Variants in IPO5 observed in about 807,000 individuals in gnomAD.
The protein encoded by IPO5 is importin 5, also known as importin-5.
A neutral mutation model predicts 143.3 loss-of-function variants in IPO5; 18 were observed. That is an observed-to-expected ratio of 0.13 (90% CI 0.09 to 0.19). The LOEUF is 0.19. IPO5 is among the 10% of genes least tolerant of loss of function. The probability of loss-of-function intolerance (pLI) is 1.00; values close to 1 mark genes in which losing one functional copy is unlikely to be tolerated. For synonymous variants in IPO5, 477 were observed against 465.7 expected (o/e 1.02, Z -0.31); for missense variants, 1,013 against 1,336.9 (o/e 0.76, Z 3.78).
intron 24 of IPO5, among the ~76,000 whole-genome samples, chr13:98,016,003 A>G (rs141845706): frequency 4.6e-5 from 7 of 152,356 alleles, no homozygotes; most frequent in Admixed American, 2.0e-4. Flanking sequence ...ACCTCACTCA[A>G]CAAAACACCT....
chr13:97,974,695 A>G (rs1886116227), intron 3 of IPO5, among the ~76,000 whole-genome samples: 1 of 151,852 alleles, frequency 6.6e-6, no homozygotes, highest in Non-Finnish European at 1.5e-5. Flanking sequence ...AAAAAAAAAA[A>G]AAATCAAAAT....
rs1397010864 is a variant in IPO5 at position 97,969,898 on chromosome 13, C to A, written c.-5+68C>A. 4 of 1,236,608 alleles carry A rather than the reference C, an allele frequency of 3.2e-6. No individual in the cohort carries two copies. The Admixed American group carries it at 5.4e-5, about 17-fold the overall frequency. 76.6% of individuals were successfully genotyped at this position (1,236,608 alleles called of 1,614,324 possible). On this transcript the variant is annotated intron_variant, in intron 3 of 28. Transcript: ENST00000651721. ...TTTTTTAAAAGAGACAAGGTCTCGCCATGTTGCCCAGGCTGGTCTCGAACT... is the reference window on the plus strand; with the variant it reads ...TTTTTTAAAAGAGACAAGGTCTCGCAATGTTGCCCAGGCTGGTCTCGAACT...
At chr13:98,004,048 G>A (rs937849537) in intron 16 of IPO5, among the ~76,000 whole-genome samples, 17 of 152,152 alleles carry the variant, frequency 1.1e-4, no homozygotes, top group South Asian at 2.1e-4. Flanking sequence ...ATGTAGATGC[G>A]AAAAGCAAGG....
chr13:98,009,277 A>G (rs369647739), intron 18 of IPO5, among the ~76,000 whole-genome samples: 1 of 152,234 alleles, frequency 6.6e-6, no homozygotes, highest in African/African-American at 2.4e-5. Context: ...GATAAGAATC[A>G]CTTTCTAGGT....
At chr13:97,964,580 G>A (rs1885154641) in intron 2 of IPO5, among the ~76,000 whole-genome samples, 1 of 151,224 alleles carries the variant, frequency 6.6e-6, no homozygotes, top group Admixed American at 6.6e-5. Flanking sequence ...TGGGACTATA[G>A]GCACCTGCCA....
intron 26 of IPO5, 102 bp downstream of exon 26, chr13:98,018,806 G>T: frequency 2.6e-6 from 2 of 781,216 alleles, no homozygotes; most frequent in Non-Finnish European, 4.2e-6. Flanking sequence ...GCCTATTTCT[G>T]CTGTAGTCTG....
intron 4 of IPO5, 60 bp downstream of exon 4, chr13:97,976,846 C>CG (rs1886387842): frequency 1.5e-6 from 1 of 684,782 alleles, no homozygotes; most frequent in Non-Finnish European, 2.1e-6. Context: ...CCTTTACCGA[C>CG]GCCAGCCGCA....
chr13:97,982,248 C>T (rs1594057764), intron 4 of IPO5: 1 of 358,416 alleles, frequency 2.8e-6, no homozygotes, highest in Non-Finnish European at 5.0e-6. Flanking sequence ...AACCAGGGAG[C>T]ATAAGTTGGG....
intron 16 of IPO5, among the ~76,000 whole-genome samples, chr13:98,003,572 C>T (rs3783051): frequency 0.049 from 7,500 of 151,996 alleles, 459 homozygotes; most frequent in East Asian, 0.33. Context: ...TGAAAGGGCC[C>T]GGCACGGTGG....
In IPO5 at chr13:98,002,697, G is replaced by T. The variant is rs1236783741; in HGVS notation, c.1247G>T (p.Arg416Met). The T allele has an allele frequency of 1.9e-6, 3 of 1,611,688 alleles. No individual in the cohort carries two copies. The highest frequency in any genetic ancestry group is 2.5e-6 in the Non-Finnish European group (3 of 1,178,944). Residue 416 changes from arginine (R) to methionine (M), a missense_variant, in exon 15 of 29, where the codon AGG (arginine) becomes ATG (methionine). By Grantham distance (91) the Arg-to-Met change is moderately conservative. Coordinates refer to ENST00000651721, the MANE Select transcript of IPO5 (RefSeq NM_002271.6). ...AACATTTTCCAGCATCCAAGAGTAA[G>T]GTATGCAGCCTGTAATGCCGTGGGA... ...LFLQDPHPRV[R>M]YAACNAVGQM...
chr13:97,988,772 A>G (rs1371669485), intron 6 of IPO5, among the ~76,000 whole-genome samples: 1 of 152,194 alleles, frequency 6.6e-6, no homozygotes, highest in East Asian at 1.9e-4. Context: ...TGGGTAAAAA[A>G]GTGAAACTCC....
chr13:97,979,209 G>T (rs1343471204), intron 4 of IPO5, among the ~76,000 whole-genome samples: 1 of 151,902 alleles, frequency 6.6e-6, no homozygotes, highest in Non-Finnish European at 1.5e-5. Context: ...AATTGGCCAG[G>T]GCTCAGTAAA....
intron 27 of IPO5, among the ~76,000 whole-genome samples, chr13:98,020,440 T>TAACAGCCATCC (rs1890404630): frequency 6.6e-6 from 1 of 152,224 alleles, no homozygotes; most frequent in East Asian, 1.9e-4. Context: ...TTAAGGAATG[T>TAACAGCCATCC]AACAGCCATC....
chr13:97,983,062 G>T (rs911456492), intron 5 of IPO5, among the ~76,000 whole-genome samples: 2 of 152,122 alleles, frequency 1.3e-5, no homozygotes, highest in East Asian at 1.9e-4. Flanking sequence ...GTAGAGATGG[G>T]GTTTTGCCAT....
At chr13:97,971,199 G>A (rs532603676) in intron 3 of IPO5, among the ~76,000 whole-genome samples, 2 of 152,212 alleles carry the variant, frequency 1.3e-5, no homozygotes, top group African/African-American at 4.8e-5. Flanking sequence ...CTAAGAAAGG[G>A]CGCAAAAGAA....
chr13:97,992,792 T>G, intron 9 of IPO5, 100 bp from the exon 10 acceptor site: 1 of 1,212,202 alleles, frequency 8.2e-7, no homozygotes, highest in Non-Finnish European at 1.2e-6. Context: ...AAAAATAGTT[T>G]AGTAATATTT....
At chr13:97,970,554 G>A (rs534700200) in intron 3 of IPO5, among the ~76,000 whole-genome samples, 31 of 152,302 alleles carry the variant, frequency 2.0e-4, no homozygotes, top group Non-Finnish European at 3.7e-4. Context: ...CCGGGAGGCA[G>A]AGGTTGCAGT....
intron 20 of IPO5, among the ~76,000 whole-genome samples, chr13:98,011,114 T>A (rs1408391004): frequency 1.3e-5 from 2 of 152,202 alleles, no homozygotes; most frequent in Non-Finnish European, 2.9e-5. Flanking sequence ...ATGTATTTCT[T>A]ATTGTCATCT....
chr13:98,004,088 A>G (rs186426956), intron 16 of IPO5, among the ~76,000 whole-genome samples: 7 of 152,338 alleles, frequency 4.6e-5, no homozygotes, highest in Admixed American at 3.3e-4. Context: ...TCAAATGTTT[A>G]TTGTCAAATG....
Sources: gnomAD v4.1 joint callset for allele counts (sites outside exome capture counted in the v4.1 genomes callset) on GRCh38, gnomAD v4.1.1 for gene constraint, MANE v1.5 for transcripts, NCBI Gene and HGNC (gene_info 2026-07-23, HGNC 2026-07-21) for gene names.